ITM2C: variants seen among roughly 807,000 people sequenced by gnomAD.
The protein encoded by ITM2C is integral membrane protein 2C, also known as BRICHOS domain containing 2C.
In ITM2C, 20 loss-of-function variants were observed where a neutral mutation model predicts 30.0. The ratio of observed to expected loss-of-function variants is 0.67; its 90% CI spans 0.47 to 0.97. The LOEUF is 0.97. Among genes scored for constraint, ITM2C ranks in the 50% least tolerant of loss-of-function variants. ITM2C has a pLI of 0.00. For missense variants in ITM2C, 366 were observed against 371.9 expected, an observed-to-expected ratio of 0.98 and a Z score of 0.13; for synonymous variants, 167 against 156.4, an observed-to-expected ratio of 1.07 and a Z score of -0.51.
At chr2:230,864,441 G>A (rs1414942190), upstream of ITM2C, among the ~76,000 whole-genome samples, 2 of 152,308 alleles carry the variant, frequency 1.3e-5, no homozygotes, top group East Asian at 3.9e-4. This position sits in a 1 kb window ranked among gnomAD's most constrained non-coding sequence, Gnocchi z 4.3. Flanking sequence ...TTTGGCGCCT[G>A]TCTCAAAGCC....
intron 1 of ITM2C, among the ~76,000 whole-genome samples, chr2:230,871,780 T>C (rs1054407008): frequency 1.3e-5 from 2 of 152,206 alleles, no homozygotes; most frequent in African/African-American, 4.8e-5. Flanking sequence ...TGCTCACGCA[T>C]GTCCGCAGTG....
chr2:230,866,070 G>T (rs1206619773), intron 1 of ITM2C, among the ~76,000 whole-genome samples: 1 of 151,990 alleles, frequency 6.6e-6, no homozygotes, highest in Non-Finnish European at 1.5e-5. Flanking sequence ...CGTGCCTTGT[G>T]TCCGGGAAGG....
Position 230,865,143 on chromosome 2 carries a change from AG to A in ITM2C, c.120+1del. The A allele has an allele frequency of 2.7e-6, 4 of 1,471,156 alleles. No homozygotes were observed. Among genetic ancestry groups the A allele is most frequent in the Non-Finnish European group, 2.7e-6 (3 of 1,101,954 alleles). The allele number at this position is 1,471,156 out of a possible 1,614,324, so 91.1% of individuals were successfully genotyped here. ...SATEILLTPA[R>X]EEQPPQHRSK... ...CACCGAGATCCTGCTGACGCCGGCT[AG>A]GGTGAGAGGGTCTGGGGCTCAGGCG... On this transcript the variant is annotated frameshift_variant and splice_region_variant, in exon 1 of 6. Transcript: ENST00000326427. LOFTEE classifies it high-confidence loss of function. This position sits in a 1 kb window ranked among gnomAD's most constrained non-coding sequence, Gnocchi z 6.8.
chr2:230,866,017 G>C (rs1001279224), intron 1 of ITM2C, among the ~76,000 whole-genome samples: 1 of 148,900 alleles, frequency 6.7e-6, no homozygotes, highest in Non-Finnish European at 1.5e-5. Flanking sequence ...CTCTGGCCGG[G>C]GGGGAGAGAA....
At chr2:230,876,791 C>T in intron 3 of ITM2C, 66 bp from the exon 4 acceptor site, 2 of 1,131,562 alleles carry the variant, frequency 1.8e-6, no homozygotes, top group Non-Finnish European at 1.3e-6. Context: ...GCCAAAGCTT[C>T]TTGCAGCCCT....
At chr2:230,866,734 G>A (rs1697036850) in intron 1 of ITM2C, among the ~76,000 whole-genome samples, 1 of 152,208 alleles carries the variant, frequency 6.6e-6, no homozygotes, top group Admixed American at 6.5e-5. Context: ...CACTCAGCCT[G>A]GGGAGGGGCA....
At position 230,865,082 on chromosome 2, in the gene ITM2C, C is replaced by G; in HGVS notation, c.57C>G (p.Asp19Glu). 1 of 1,537,942 alleles carries G rather than the reference C, an allele frequency of 6.5e-7. No individual in the cohort carries two copies. The highest frequency in any genetic ancestry group is 8.8e-7 in the Non-Finnish European group (1 of 1,139,752). The change falls in exon 1 of 6, where the codon GAC becomes GAG. Residue 19 changes from aspartate to glutamate, a missense_variant. By Grantham distance (45) the Asp-to-Glu change is conservative (BLOSUM62 2). Coordinates refer to ENST00000326427, the MANE Select transcript of ITM2C (RefSeq NM_030926.6). This position sits in a 1 kb window ranked among gnomAD's most constrained non-coding sequence, Gnocchi z 6.8. ...CTGGCATCAAGGGCGACAAGGCTGACAAGGCGTCGGCGTCGGCCCCTGCGC... is the reference window on the plus strand; with the variant it reads ...CTGGCATCAAGGGCGACAAGGCTGAGAAGGCGTCGGCGTCGGCCCCTGCGC... ...AVAGIKGDKADKASASAPAPA... is the reference protein window; with the variant it reads ...AVAGIKGDKAEKASASAPAPA...
At position 230,872,246 on chromosome 2, in the gene ITM2C, G is replaced by A. The variant is rs573791836; in HGVS notation, c.121-1171G>A. Among the ~76,000 whole-genome samples the A allele has an allele frequency of 2.3e-3, 344 of 152,158 alleles. 2 individuals are homozygous for A. The highest frequency in any genetic ancestry group is 7.8e-3 in the African/African-American group (321 of 41,376). On this transcript the variant is annotated intron_variant, in intron 1 of 5. Coordinates refer to ENST00000326427, the MANE Select transcript of ITM2C (RefSeq NM_030926.6). ...CTGACCTCTAACCTCACTCTTGGCC[G>A]TATGTGGACACCACGGAGGAAGGAT...
intron 1 of ITM2C, among the ~76,000 whole-genome samples, chr2:230,870,855 C>T (rs1330227482): frequency 1.3e-5 from 2 of 151,710 alleles, no homozygotes; most frequent in South Asian, 2.1e-4. Context: ...GGCTCTCCCA[C>T]GTAGCGCTTT....
At chr2:230,876,625 G>A (rs935486160) in intron 3 of ITM2C, among the ~76,000 whole-genome samples, 1 of 152,186 alleles carries the variant, frequency 6.6e-6, no homozygotes, top group African/African-American at 2.4e-5. Context: ...GGGACTACAG[G>A]TGCCCACCAC....
At chr2:230,870,235 G>A (rs545520968) in intron 1 of ITM2C, among the ~76,000 whole-genome samples, 4 of 152,388 alleles carry the variant, frequency 2.6e-5, no homozygotes, top group South Asian at 2.1e-4. Context: ...GAGCCTTGGT[G>A]TTGATTGGGC....
Position 230,877,048 on chromosome 2 carries a change from C to A in ITM2C, c.561+81C>A. The A allele has an allele frequency of 1.0e-6, 1 of 993,672 alleles. No homozygotes were observed. Among genetic ancestry groups the A allele is most frequent in the Non-Finnish European group, 1.6e-6 (1 of 631,522 alleles). 61.6% of individuals were successfully genotyped at this position (993,672 alleles called of 1,614,324 possible). A position where few individuals can be genotyped will look rare whatever the true frequency, so the allele number is the denominator to read the frequency against. On this transcript the variant is annotated intron_variant, in intron 4 of 5. Transcript: ENST00000326427. This position sits in a 1 kb window ranked among gnomAD's most constrained non-coding sequence, Gnocchi z 4.8. ...TCTCATGGAGGCTAGGTCTGAGGTA[C>A]AGGAAGTTCCTGTGTCAGGGGTTGG...
intron 1 of ITM2C, among the ~76,000 whole-genome samples, chr2:230,870,686 C>A (rs1288387899): frequency 1.3e-5 from 2 of 152,188 alleles, no homozygotes; most frequent in African/African-American, 4.8e-5. Context: ...GTGGGGCCTC[C>A]GAGCCCAGCC....
In ITM2C at chr2:230,865,058, T is replaced by C. The variant is rs954833934; in HGVS notation, c.33T>C (p.Ala11=). MVKISFQPAV[A]GIKGDKADKA... ...AGATTAGCTTCCAGCCCGCCGTGGC[T>C]GGCATCAAGGGCGACAAGGCTGACA... Residue 11 remains alanine, a synonymous_variant, in exon 1 of 6, where the codon GCT becomes GCC. Coordinates refer to ENST00000326427, the MANE Select transcript of ITM2C (RefSeq NM_030926.6). This position sits in a 1 kb window ranked among gnomAD's most constrained non-coding sequence, Gnocchi z 6.8. 3.3e-6 allele frequency: 5 copies of C among 1,528,050 alleles called. No individual in the cohort carries two copies. The highest frequency in any genetic ancestry group is 1.9e-5 in the Admixed American group (1 of 52,646). The allele number at this position is 1,528,050 out of a possible 1,614,324, so 94.7% of individuals were successfully genotyped here.
chr2:230,873,089 A>G (rs1026538357), intron 1 of ITM2C: 2 of 250,624 alleles, frequency 8.0e-6, no homozygotes, highest in African/African-American at 2.2e-5. Flanking sequence ...CACGGCTGGT[A>G]TAAGCAAGAG....
At chr2:230,867,137 C>T (rs920170259) in intron 1 of ITM2C, among the ~76,000 whole-genome samples, 12 of 152,188 alleles carry the variant, frequency 7.9e-5, no homozygotes, top group African/African-American at 2.9e-4. Flanking sequence ...AGGGTCCCCT[C>T]CCTCTCTAAT....
intron 1 of ITM2C, among the ~76,000 whole-genome samples, chr2:230,866,270 A>G (rs1457112117): frequency 6.6e-6 from 1 of 152,136 alleles, no homozygotes; most frequent in African/African-American, 2.4e-5. Context: ...GTCTTTGTCC[A>G]CTGCTTCCCC....
intron 1 of ITM2C, among the ~76,000 whole-genome samples, chr2:230,867,449 G>A (rs1697055291): frequency 6.6e-6 from 1 of 152,114 alleles, no homozygotes; most frequent in Non-Finnish European, 1.5e-5. Context: ...CAGGCAGGAG[G>A]CCCATTTCTC....
intron 1 of ITM2C, among the ~76,000 whole-genome samples, chr2:230,870,815 G>A (rs1241032586): frequency 1.3e-5 from 2 of 152,192 alleles, no homozygotes; most frequent in South Asian, 2.1e-4. Context: ...TCACCTTGTC[G>A]GTGAATTTGA....
Sources: allele counts gnomAD v4.1 joint callset (sites outside exome capture counted in the v4.1 genomes callset), GRCh38; gene constraint gnomAD v4.1.1; non-coding constraint Gnocchi (gnomAD v3.1); transcripts MANE v1.5; gene names NCBI Gene and HGNC (gene_info 2026-07-23, HGNC 2026-07-21).